The following MAGI2 variants were observed in gnomAD, a reference collection of about 807,000 sequenced individuals.
MAGI2 encodes membrane-associated guanylate kinase, WW and PDZ domain-containing protein 2.
Under a neutral mutation model 133.3 loss-of-function variants are expected in MAGI2, and 35 were observed. The ratio of observed to expected loss-of-function variants is 0.26; its 90% confidence interval spans 0.20 to 0.35. The LOEUF is 0.35. Among genes scored for constraint, MAGI2 ranks in the 10% least tolerant of loss-of-function variants. MAGI2 has a pLI of 1.00. For synonymous variants in MAGI2, 729 were observed against 710.6 expected (o/e 1.03, Z -0.41); for missense variants, 1,636 against 1,863.4 (o/e 0.88, Z 2.25).
At chr7:78,195,098 C>A in intron 11 of MAGI2, 35 bp from the exon 12 acceptor site, 1 of 1,520,360 alleles carries the variant, frequency 6.6e-7, no homozygotes. Context: ...AAATGACTGA[C>A]AAATTCTTCC....
At chr7:79,438,552 T>G (rs556764827) in intron 1 of MAGI2, among the ~76,000 whole-genome samples, 1 of 152,152 alleles carries the variant, frequency 6.6e-6, no homozygotes, top group South Asian at 2.1e-4. Flanking sequence ...TAAAGCCATT[T>G]CCCCTGTACA....
In MAGI2 at chr7:78,821,872, A is replaced by G. The variant is rs953700368; in HGVS notation, c.418+185218T>C. Among the ~76,000 whole-genome samples the G allele has an allele frequency of 1.4e-5, 2 of 143,428 alleles. 1 individual carries two copies. The highest frequency in any genetic ancestry group is 1.4e-4 in the Admixed American group (2 of 14,470). The allele number at this position is 143,428 out of a possible 152,430, so 94.1% of individuals were successfully genotyped here. A position where few individuals can be genotyped will look rare whatever the true frequency, so the allele number is the denominator to read the frequency against. ...ATTTGGGTTAGATTTTTTTCATAAA[A>G]GAAAGGCAAAGAAAATTCTGTAGGC... On this transcript the variant is annotated intron_variant, in intron 2 of 21. Coordinates refer to ENST00000354212, the MANE Select transcript of MAGI2 (RefSeq NM_012301.4).
intron 16 of MAGI2, among the ~76,000 whole-genome samples, chr7:78,150,178 G>A (rs989285557): frequency 6.6e-6 from 1 of 152,274 alleles, no homozygotes; most frequent in South Asian, 2.1e-4. Flanking sequence ...GTTCCTGATG[G>A]AAACTGGACA....
intron 15 of MAGI2, among the ~76,000 whole-genome samples, chr7:78,161,729 A>T (rs930109812): frequency 2.0e-4 from 30 of 150,218 alleles, no homozygotes; most frequent in Non-Finnish European, 3.7e-4. Flanking sequence ...TTAGATTTTA[A>T]AAAATGGCCT....
chr7:78,203,706 G>A (rs556340580), intron 10 of MAGI2, among the ~76,000 whole-genome samples: 1 of 152,274 alleles, frequency 6.6e-6, no homozygotes, highest in African/African-American at 2.4e-5. Context: ...GTAAGAGAGA[G>A]CATCAGAATA....
chr7:78,906,392 G>C (rs893429042), intron 2 of MAGI2, among the ~76,000 whole-genome samples: 21 of 152,186 alleles, frequency 1.4e-4, no homozygotes, highest in Non-Finnish European at 2.9e-4. Flanking sequence ...TTTGGGGTTT[G>C]CAATAGGTAG....
chr7:79,170,137 C>CTTTTTTTTTTT lies in MAGI2; in HGVS notation c.302-162942_302-162932dup, dbSNP rs10539344. 1.7e-3 allele frequency among the ~76,000 whole-genome samples: 75 copies of CTTTTTTTTTTT among 42,952 alleles called. 8 individuals are homozygous for CTTTTTTTTTTT. Among genetic ancestry groups the CTTTTTTTTTTT allele is most frequent in the East Asian group, 7.4e-3 (8 of 1,078 alleles). The allele number at this position is 42,952 out of a possible 152,430, so 28.2% of individuals were successfully genotyped here. A position where few individuals can be genotyped will look rare whatever the true frequency, so the allele number is the denominator to read the frequency against. On this transcript the variant is annotated intron_variant, in intron 1 of 21. Transcript: ENST00000354212. ...TCAATGGTTACTTTGAGATATTATACTTTTTTTTTTTTTTTTTTTTTTTTT... is the reference window on the plus strand; with the variant it reads ...TCAATGGTTACTTTGAGATATTATACTTTTTTTTTTTTTTTTTTTTTTTTTTTTTTTTTTTT...
chr7:78,804,694 A>G (rs1017360625), intron 2 of MAGI2, among the ~76,000 whole-genome samples: 2 of 145,812 alleles, frequency 1.4e-5, no homozygotes, highest in Admixed American at 7.2e-5. Context: ...GCTTGCAGTG[A>G]GCCGAGATGG....
At position 78,674,716 on chromosome 7, in the gene MAGI2, G is replaced by C. The variant is rs1010046485; in HGVS notation, c.419-47477C>G. Among the ~76,000 whole-genome samples the C allele has an allele frequency of 7.2e-5, 11 of 151,990 alleles. 1 individual carries two copies. Among genetic ancestry groups the C allele is most frequent in the Admixed American group, 7.2e-4 (11 of 15,250 alleles). On this transcript the variant is annotated intron_variant, in intron 2 of 21. Transcript: ENST00000354212. Reference sequence around the variant, plus strand: ...TAGAAATACAAATTAACCAAATCAGGAAAGAGATTATATGCAACTATTCAA... The same window carrying C: ...TAGAAATACAAATTAACCAAATCAGCAAAGAGATTATATGCAACTATTCAA...
chr7:78,520,161 A>C (rs2150581493), intron 4 of MAGI2, among the ~76,000 whole-genome samples: 1 of 152,310 alleles, frequency 6.6e-6, no homozygotes, highest in East Asian at 1.9e-4. Flanking sequence ...ATATTAAGGG[A>C]GGAGGTTGTC....
chr7:79,238,125 C>T (rs1414481898), intron 1 of MAGI2, among the ~76,000 whole-genome samples: 2 of 152,270 alleles, frequency 1.3e-5, no homozygotes, highest in East Asian at 1.9e-4. Flanking sequence ...TGGCTTAACA[C>T]ATTCAAATTT....
At chr7:79,123,358 C>A (rs535175954) in intron 1 of MAGI2, among the ~76,000 whole-genome samples, 3 of 152,100 alleles carry the variant, frequency 2.0e-5, no homozygotes, top group Non-Finnish European at 4.4e-5. Flanking sequence ...AGATAGATAT[C>A]GGTTTAAATT....
intron 1 of MAGI2, among the ~76,000 whole-genome samples, chr7:79,389,021 GAGAA>G (rs1196582607): frequency 6.6e-6 from 1 of 151,870 alleles, no homozygotes; most frequent in Non-Finnish European, 1.5e-5. Flanking sequence ...GTGCATACTG[GAGAA>G]AGAGTTTTTA....
chr7:78,275,342 C>T (rs1029322276), intron 9 of MAGI2, among the ~76,000 whole-genome samples: 5 of 152,230 alleles, frequency 3.3e-5, no homozygotes, highest in Middle Eastern at 3.2e-3. Context: ...AAATCACCTG[C>T]CTCGATCTCG....
At chr7:79,387,317 T>C (rs1474986336) in intron 1 of MAGI2, among the ~76,000 whole-genome samples, 3 of 152,024 alleles carry the variant, frequency 2.0e-5, no homozygotes, top group Admixed American at 2.0e-4. Context: ...TAGACCATAG[T>C]CACTTCCTCC....
At chr7:79,368,292 T>G (rs1842850368) in intron 1 of MAGI2, among the ~76,000 whole-genome samples, 1 of 151,978 alleles carries the variant, frequency 6.6e-6, no homozygotes, top group African/African-American at 2.4e-5. Context: ...TAGTGAAAGC[T>G]TTGTACTTTC....
intron 3 of MAGI2, among the ~76,000 whole-genome samples, chr7:78,573,272 A>G: frequency 3.9e-5 from 1 of 25,346 alleles, no homozygotes; most frequent in South Asian, 2.0e-3. Context: ...AAATATATAT[A>G]AATATATATA....
At chr7:78,160,002 T>TG in intron 16 of MAGI2, 23 bp downstream of exon 16, 6 of 1,529,044 alleles carry the variant, frequency 3.9e-6, no homozygotes, top group Non-Finnish European at 5.3e-6. Context: ...CTTATTCAAA[T>TG]GCAGGCAAAT....
At chr7:78,347,998 A>C (rs1271852329) in intron 7 of MAGI2, among the ~76,000 whole-genome samples, 1 of 152,214 alleles carries the variant, frequency 6.6e-6, no homozygotes. Flanking sequence ...CCATTGTTAC[A>C]TAACTTCCTT....
Sources: allele counts gnomAD v4.1 joint callset (sites outside exome capture counted in the v4.1 genomes callset), GRCh38; gene constraint gnomAD v4.1.1; transcripts MANE v1.5; gene names NCBI Gene and HGNC (gene_info 2026-07-23, HGNC 2026-07-21).